AMPD2: variants seen among roughly 807,000 people sequenced by gnomAD.
AMPD2 encodes AMP deaminase 2.
AMPD2 carries 52 observed loss-of-function variants against 91.3 expected under a neutral mutation model. That is an observed-to-expected ratio of 0.57 (90% CI 0.46 to 0.72). AMPD2 has a LOEUF of 0.72. AMPD2 is among the 30% of genes least tolerant of loss of function. The pLI is 0.00. For synonymous variants in AMPD2, 455 were observed against 456.4 expected, an observed-to-expected ratio of 1.00 and a Z score of 0.04; for missense variants, 822 against 1,122.3, an observed-to-expected ratio of 0.73 and a Z score of 3.82.
chr1:109,624,117 G>A lies in AMPD2; in HGVS notation c.92-1186G>A, dbSNP rs375266249. On this transcript the variant is annotated intron_variant, in intron 2 of 18. Transcript: ENST00000528667. This position sits in a 1 kb window ranked among gnomAD's most constrained non-coding sequence, Gnocchi z 5.2. ...AGGGTTCAGGCAGGGGCCGGGGTGC[G>A]CAGGGGACGGGGTCCTGGATCTGGG... The A allele has an allele frequency of 6.1e-5, 60 of 976,260 alleles. No homozygotes were observed. The African/African-American group carries it at 8.6e-4, about 14-fold the overall frequency. 60.5% of individuals were successfully genotyped at this position (976,260 alleles called of 1,614,324 possible). A position where few individuals can be genotyped will look rare whatever the true frequency, so the allele number is the denominator to read the frequency against.
rs1039578110 is a variant in AMPD2 at position 109,621,249 on chromosome 1, C to T, written c.74C>T (p.Ala25Val). 1 of 1,612,888 alleles carries T rather than the reference C, an allele frequency of 6.2e-7. No individual in the cohort carries two copies. ...YPFKKRASLQASTAAPEARGG... is the reference protein window; with the variant it reads ...YPFKKRASLQVSTAAPEARGG... ...TTTAAGAAGCGGGCCAGCCTGCAGG[C>T]CTCCACTGCAGCTCCAGGTGAGTGT... Residue 25 changes from alanine to valine, a missense_variant, in exon 2 of 19, where the codon GCC becomes GTC. Ala to Val is a moderately conservative substitution (Grantham distance 64, BLOSUM62 0). Coordinates refer to ENST00000528667, the MANE Select transcript of AMPD2 (RefSeq NM_001368809.2).
intron 1 of AMPD2, chr1:109,620,488 C>T: frequency 8.6e-7 from 1 of 1,165,488 alleles, no homozygotes; most frequent in Non-Finnish European, 1.1e-6. Flanking sequence ...GACCCCCAGA[C>T]AAGGGGGTCT....
intron 9 of AMPD2, 128 bp downstream of exon 9, chr1:109,627,646 C>A: frequency 6.6e-7 from 1 of 1,514,424 alleles, no homozygotes; most frequent in Non-Finnish European, 9.1e-7. Flanking sequence ...GACTTCCCCG[C>A]AGTCTACTTC....
chr1:109,629,013 C>T, intron 13 of AMPD2, 96 bp from the exon 14 acceptor site: 2 of 1,542,322 alleles, frequency 1.3e-6, no homozygotes, highest in Non-Finnish European at 1.8e-6. Context: ...AGATGCGCCC[C>T]TGCGCTCTTG....
Position 109,629,507 on chromosome 1 carries a change from G to A in AMPD2, c.1862+17G>A, listed in dbSNP as rs1557937306. The A allele has an allele frequency of 5.6e-6, 9 of 1,609,908 alleles. No homozygotes were observed. In the East Asian group the frequency reaches 2.0e-4, roughly 36 times the overall value. On this transcript the variant is annotated intron_variant, in intron 15 of 18. Coordinates refer to ENST00000528667, the MANE Select transcript of AMPD2 (RefSeq NM_001368809.2). ...CCTGCGCAGGTGCCTGCACCACCCT[G>A]TGTCTGCTTGCTATGCCATCTCTCG... is the stretch of plus-strand genomic sequence containing the variant.
intron 2 of AMPD2, chr1:109,622,108 C>T (rs879604826): frequency 1.2e-4 from 53 of 425,662 alleles, no homozygotes; most frequent in South Asian, 4.0e-4. Context: ...CAGATCATGC[C>T]GACTGCCCCC....
Position 109,629,345 on chromosome 1 carries a change from G to GT in AMPD2, c.1718dup (p.Asp574GlyfsTer2). The GT allele has an allele frequency of 6.2e-7, 1 of 1,614,138 alleles. No individual in the cohort carries two copies. The highest frequency in any genetic ancestry group is 8.5e-7 in the Non-Finnish European group (1 of 1,180,008). On this transcript the variant is annotated frameshift_variant, in exon 15 of 19. Coordinates refer to ENST00000528667, the MANE Select transcript of AMPD2 (RefSeq NM_001368809.2). LOFTEE classifies it high-confidence loss of function. ...GTATTAGGTGGATGGTTTTGACAGC[G>GT]TGGATGATGAGTCCAAGCCTGAAAA...
chr1:109,630,752 C>G lies in AMPD2; in HGVS notation c.2227C>G (p.Leu743Val). The G allele has an allele frequency of 6.2e-7, 1 of 1,612,036 alleles. No homozygotes were observed. The highest frequency in any genetic ancestry group is 8.5e-7 in the Non-Finnish European group (1 of 1,179,392). ...GCTCAGCTCCTGCGATATGTGTGAG[C>G]TGGCCCGCAACAGCGTGCTCATGAG... ...WKLSSCDMCE[L>V]ARNSVLMSGF... The change falls in exon 18 of 19, where the codon CTG becomes GTG. Residue 743 changes from leucine (L) to valine (V), a missense_variant. This residue lies in a region of AMPD2 where 430 missense variants were observed against 606.0 expected (regional missense o/e 0.71). Coordinates refer to ENST00000528667, the MANE Select transcript of AMPD2 (RefSeq NM_001368809.2).
At chr1:109,629,724 T>TC (rs1553230046) in intron 15 of AMPD2, 72 bp from the exon 16 acceptor site, 42 of 1,527,340 alleles carry the variant, frequency 2.7e-5, no homozygotes, top group Non-Finnish European at 3.6e-5. Flanking sequence ...GCGTGCTGGG[T>TC]GGGGGTCAGG....
intron 17 of AMPD2, 24 bp downstream of exon 17, chr1:109,630,430 G>A: frequency 6.2e-7 from 1 of 1,610,784 alleles, no homozygotes; most frequent in Non-Finnish European, 8.5e-7. Context: ...AGGCAGCCAG[G>A]CGGGCGGGCG....
chr1:109,622,206 C>T (rs111674582), intron 2 of AMPD2: 10 of 456,176 alleles, frequency 2.2e-5, no homozygotes, highest in African/African-American at 1.6e-4. Flanking sequence ...AAGGTCTCTA[C>T]TGTCCTGAGG....
In AMPD2 at chr1:109,627,298, G is replaced by A. The variant is rs774576755; in HGVS notation, c.842G>A (p.Arg281His). 2.1e-5 allele frequency: 34 copies of A among 1,603,888 alleles called. No individual in the cohort carries two copies. Among genetic ancestry groups the A allele is most frequent in the Middle Eastern group, 3.3e-4 (2 of 6,044 alleles). The change falls in exon 8 of 19, where the codon CGC becomes CAC. Residue 281 changes from arginine (R) to histidine (H), a missense_variant. By Grantham distance (29) the Arg-to-His change is conservative. Transcript: ENST00000528667. The stretch of plus-strand genomic sequence containing the variant: ...CGGGGTGTGGTGCACGTCTACACCC[G>A]CAGGGAACCCGACGAGCAGTAAGAG... ...MVRGVVHVYT[R>H]REPDEHCSEV...
At chr1:109,630,161 C>A in intron 16 of AMPD2, 72 bp from the exon 17 acceptor site, 2 of 1,537,680 alleles carry the variant, frequency 1.3e-6, no homozygotes, top group Non-Finnish European at 8.9e-7. Flanking sequence ...GTGGCCTGGA[C>A]CCCCAGAACC....
chr1:109,619,849 G>A lies in AMPD2; in HGVS notation c.-692G>A, dbSNP rs930102939. 2 of 206,280 alleles carry A rather than the reference G, an allele frequency of 9.7e-6. No individual in the cohort carries two copies. The highest frequency in any genetic ancestry group is 2.1e-5 in the Non-Finnish European group (2 of 97,168). 12.8% of individuals were successfully genotyped at this position (206,280 alleles called of 1,614,324 possible). A position where few individuals can be genotyped will look rare whatever the true frequency, so the allele number is the denominator to read the frequency against. Reference sequence around the variant, plus strand: ...CGGGGGCGGGGCCAAGGGCCGCAGAGCCTGGCGCGGAGCCGGCGAGATTTT... The same window carrying A: ...CGGGGGCGGGGCCAAGGGCCGCAGAACCTGGCGCGGAGCCGGCGAGATTTT... On this transcript the variant is annotated 5_prime_UTR_variant, in exon 1 of 19. Transcript: ENST00000528667.
At position 109,630,358 on chromosome 1, in the gene AMPD2, C is replaced by T. The variant is rs201352231; in HGVS notation, c.2109C>T (p.Leu703=). Reference sequence around the variant, plus strand: ...TACCGGAGTACCTGTCCCGCGGCCTCATGGTCTCCCTGTCCACTGATGATC... The same window carrying T: ...TACCGGAGTACCTGTCCCGCGGCCTTATGGTCTCCCTGTCCACTGATGATC... ...NPLPEYLSRG[L]MVSLSTDDPL... Residue 703 remains leucine (L), a synonymous_variant, in exon 17 of 19, where the codon CTC becomes CTT. Coordinates refer to ENST00000528667, the MANE Select transcript of AMPD2 (RefSeq NM_001368809.2). 2.1e-5 allele frequency: 34 copies of T among 1,613,764 alleles called. No homozygotes were observed. Among genetic ancestry groups the T allele is most frequent in the Non-Finnish European group, 2.7e-5 (32 of 1,180,004 alleles).
At chr1:109,629,990 C>G in intron 16 of AMPD2, 74 bp downstream of exon 16, 1 of 1,532,410 alleles carries the variant, frequency 6.5e-7, no homozygotes, top group East Asian at 2.3e-5. Context: ...CCTTCAGCAA[C>G]CGATCCTCCT....
intron 1 of AMPD2, 142 bp from the exon 2 acceptor site, chr1:109,620,771 AG>A: frequency 2.3e-6 from 3 of 1,285,058 alleles, no homozygotes; most frequent in Non-Finnish European, 3.0e-6. Context: ...GCTAGCTGGA[AG>A]GACCAGCTAG....
Position 109,620,907 on chromosome 1 carries a change from C to T in AMPD2, c.-262-7C>T. 18 of 1,467,250 alleles carry T rather than the reference C, an allele frequency of 1.2e-5. No individual in the cohort carries two copies. The highest frequency in any genetic ancestry group is 2.4e-5 in the East Asian group (1 of 41,040). The allele number at this position is 1,467,250 out of a possible 1,614,324, so 90.9% of individuals were successfully genotyped here. ...TTTCTACCCACCCCCTCCCCGCCCCCCGCCAGGCCCAGCCACCATCAGTCA... is the reference window on the plus strand; with the variant it reads ...TTTCTACCCACCCCCTCCCCGCCCCTCGCCAGGCCCAGCCACCATCAGTCA... On this transcript the variant is annotated splice_polypyrimidine_tract_variant and splice_region_variant and intron_variant, in intron 1 of 18. Transcript: ENST00000528667.
At chr1:109,626,107 A>G in intron 4 of AMPD2, 53 bp from the exon 5 acceptor site, 1 of 1,598,916 alleles carries the variant, frequency 6.3e-7, no homozygotes, top group African/African-American at 1.3e-5. Context: ...GGGACCTGGG[A>G]GCAAGGGCCG....
Sources: allele counts gnomAD v4.1 joint callset, GRCh38; gene constraint gnomAD v4.1.1; regional missense constraint gnomAD v4.1.1; non-coding constraint Gnocchi (gnomAD v3.1); transcripts MANE v1.5; gene names NCBI Gene and HGNC (gene_info 2026-07-23, HGNC 2026-07-21).